Variants in MPV17 observed in about 807,000 individuals in gnomAD.
The protein encoded by MPV17 is MPV17, mitochondrial inner membrane protein.
MPV17 carries 31 observed loss-of-function variants against 28.6 expected under a neutral mutation model. The observed-to-expected ratio is 1.08, with a 90% CI of 0.81 to 1.46. The LOEUF (loss-of-function observed/expected upper bound fraction) is 1.46, where lower values mean the gene tolerates loss of function less well. Ranked by LOEUF, MPV17 falls within the 40% of genes most tolerant of loss-of-function variation. MPV17 has a pLI of 0.00. For synonymous variants in MPV17, 87 were observed against 85.3 expected, an observed-to-expected ratio of 1.02 and a Z score of -0.11; for missense variants, 198 against 216.2, an observed-to-expected ratio of 0.92 and a Z score of 0.53.
chr2:27,322,988 A>C, intron 1 of MPV17, 64 bp downstream of exon 1: 1 of 190,570 alleles, frequency 5.2e-6, no homozygotes. Flanking sequence ...ATGACCACAC[A>C]CCTTGTGGGC....
intron 2 of MPV17, chr2:27,322,137 T>C: frequency 2.2e-6 from 1 of 459,502 alleles, no homozygotes; most frequent in Non-Finnish European, 4.0e-6. Flanking sequence ...GTGCTTTGCA[T>C]ACGGTAAAAT....
At position 27,312,791 on chromosome 2, in the gene MPV17, T is replaced by C. The variant is rs577414925; in HGVS notation, c.187-19A>G. The C allele has an allele frequency of 3.1e-6, 5 of 1,613,022 alleles. No individual in the cohort carries two copies. The East Asian group carries it at 1.1e-4, about 36-fold the overall frequency. ...CAGGGCCCTGGAAGTAAACCCCAGATAGCAGCAGGCTGCAGTGAGGGAGCC... is the reference window on the plus strand; with the variant it reads ...CAGGGCCCTGGAAGTAAACCCCAGACAGCAGCAGGCTGCAGTGAGGGAGCC... On this transcript the variant is annotated intron_variant, in intron 3 of 7. Transcript: ENST00000380044.
intron 2 of MPV17, among the ~76,000 whole-genome samples, chr2:27,314,906 C>T (rs1679594514): frequency 6.6e-6 from 1 of 152,222 alleles, no homozygotes; most frequent in East Asian, 1.9e-4. Flanking sequence ...CCGGCCCTGC[C>T]CCTGAGCAGC....
chr2:27,311,549 A>G lies in MPV17; in HGVS notation c.461+350T>C, dbSNP rs549353644. 6.7e-4 allele frequency: 1,029 copies of G among 1,535,622 alleles called. 3 individuals carry two copies. The highest frequency in any genetic ancestry group is 1.3e-3 in the Admixed American group (64 of 50,570). ...ATTGTGAGTGTCTGACCAGGCTCCT[A>G]CTTGGCCTTCTGGTCTACCTCTCTG... On this transcript the variant is annotated intron_variant, in intron 7 of 7. Transcript: ENST00000380044.
chr2:27,318,074 T>TC (rs200270635), intron 2 of MPV17, among the ~76,000 whole-genome samples: 1 of 150,940 alleles, frequency 6.6e-6, no homozygotes, highest in African/African-American at 2.4e-5. Context: ...CTTTTCTTTT[T>TC]TTTTTTTTTT....
chr2:27,322,058 A>G (rs1679879419), intron 2 of MPV17: 3 of 280,842 alleles, frequency 1.1e-5, no homozygotes, highest in Non-Finnish European at 2.1e-5. Context: ...GTGTGATCTA[A>G]TGTGGACTCA....
At position 27,313,072 on chromosome 2, in the gene MPV17, C is replaced by A; in HGVS notation, c.108G>T (p.Gln36His). The A allele has an allele frequency of 6.2e-7, 1 of 1,614,198 alleles. No homozygotes were observed. The highest frequency in any genetic ancestry group is 1.1e-5 in the South Asian group (1 of 91,090). ...CCTGCAGACCCCGCCTCTCCACCAG[C>A]TGCTGTGAGATAATGTCACCCAGGC... ...LMGLGDIISQ[Q>H]LVERRGLQEH... is the part of the protein sequence containing the mutation. Residue 36 changes from glutamine to histidine, a missense_variant, in exon 3 of 8, where the codon CAG (glutamine) becomes CAT (histidine). Gln to His is a conservative substitution (Grantham distance 24). Transcript: ENST00000380044.
intron 2 of MPV17, among the ~76,000 whole-genome samples, chr2:27,314,945 G>C (rs1679595956): frequency 6.6e-6 from 1 of 152,206 alleles, no homozygotes; most frequent in Non-Finnish European, 1.5e-5. Context: ...GTATGGCTGA[G>C]AGCTGGGGTT....
At chr2:27,319,913 G>T (rs1235775811) in intron 2 of MPV17, among the ~76,000 whole-genome samples, 2 of 136,780 alleles carry the variant, frequency 1.5e-5, no homozygotes, top group Non-Finnish European at 3.1e-5. Flanking sequence ...GTAACAGGGT[G>T]ACACCTTATC....
chr2:27,317,997 A>ATGGC lies in MPV17; in HGVS notation c.70+4447_70+4450dup, dbSNP rs1211078927. 9.2e-5 allele frequency among the ~76,000 whole-genome samples: 14 copies of ATGGC among 151,872 alleles called. No individual in the cohort carries two copies. Among genetic ancestry groups the ATGGC allele is most frequent in the South Asian group, 6.2e-4 (3 of 4,822 alleles). ...TGCCACACCTGGGCCTTTGCTATTG[A>ATGGC]TGGCTGCAGTGACTATGCATGTGTG... On this transcript the variant is annotated intron_variant, in intron 2 of 7. Coordinates refer to ENST00000380044, the MANE Select transcript of MPV17 (RefSeq NM_002437.5). This position sits in a 1 kb window ranked among gnomAD's most constrained non-coding sequence, Gnocchi z 4.0.
intron 5 of MPV17, 89 bp downstream of exon 5, chr2:27,312,405 C>T: frequency 1.3e-6 from 2 of 1,481,914 alleles, no homozygotes; most frequent in East Asian, 2.3e-5. Context: ...CCTGCACTTA[C>T]CCCCTTTTTT....
intron 2 of MPV17, chr2:27,316,150 C>A: frequency 6.4e-7 from 1 of 1,551,178 alleles, no homozygotes; most frequent in Non-Finnish European, 8.7e-7. Context: ...TCATTCTGCT[C>A]CTTGTCACCT....
intron 2 of MPV17, among the ~76,000 whole-genome samples, chr2:27,316,432 C>T (rs1679655191): frequency 1.3e-5 from 2 of 152,110 alleles, no homozygotes; most frequent in African/African-American, 4.8e-5. Flanking sequence ...TCTGCAGTCC[C>T]TGACGGTTCA....
At chr2:27,319,065 A>T (rs1199874635) in intron 2 of MPV17, among the ~76,000 whole-genome samples, 1 of 152,088 alleles carries the variant, frequency 6.6e-6, no homozygotes, top group Non-Finnish European at 1.5e-5. Flanking sequence ...ACGCCCAGAC[A>T]CTTTAAGGAG....
intron 7 of MPV17, among the ~76,000 whole-genome samples, chr2:27,310,264 T>A (rs951408150): frequency 5.3e-5 from 8 of 151,962 alleles, no homozygotes; most frequent in Admixed American, 3.9e-4. Flanking sequence ...CCTGGCTAAT[T>A]TTTGTATTTT....
At chr2:27,310,188 C>T (rs1450958626) in intron 7 of MPV17, among the ~76,000 whole-genome samples, 1 of 152,040 alleles carries the variant, frequency 6.6e-6, no homozygotes, top group South Asian at 2.1e-4. Flanking sequence ...CACTGCCTCC[C>T]GGGTTCAATC....
At chr2:27,318,122 G>A (rs1275942273) in intron 2 of MPV17, among the ~76,000 whole-genome samples, 1 of 149,906 alleles carries the variant, frequency 6.7e-6, no homozygotes, top group African/African-American at 2.5e-5. Flanking sequence ...AGGCTGGAGT[G>A]CAGTGGCACA....
chr2:27,322,672 C>T (rs1558606338), intron 1 of MPV17, 150 bp from the exon 2 acceptor site: 1 of 662,216 alleles, frequency 1.5e-6, no homozygotes, highest in East Asian at 2.7e-5. Flanking sequence ...GCTTCCCAGA[C>T]AGCTTCCTGT....
chr2:27,322,079 C>T (rs1679880476), intron 2 of MPV17: 2 of 315,738 alleles, frequency 6.3e-6, no homozygotes, highest in South Asian at 7.0e-5. Flanking sequence ...AGTAACCCTC[C>T]TAGCTCACAC....
Sources: allele counts gnomAD v4.1 joint callset (sites outside exome capture counted in the v4.1 genomes callset), GRCh38; gene constraint gnomAD v4.1.1; non-coding constraint Gnocchi (gnomAD v3.1); transcripts MANE v1.5; gene names NCBI Gene and HGNC (gene_info 2026-07-23, HGNC 2026-07-21).